JADE3: variants seen among roughly 807,000 people sequenced by gnomAD.
JADE3 encodes jade family PHD finger 3.
JADE3 carries 2 observed loss-of-function variants against 50.1 expected under a neutral mutation model. The ratio of observed to expected loss-of-function variants is 0.04; its 90% CI spans 0.02 to 0.13. The LOEUF is 0.13. Among genes scored for constraint, JADE3 ranks in the 10% least tolerant of loss-of-function variants. The probability of loss-of-function intolerance (pLI) is 1.00; values close to 1 mark genes in which losing one functional copy is unlikely to be tolerated. For synonymous variants in JADE3, 218 were observed against 232.9 expected (o/e 0.94, Z 0.58); for missense variants, 475 against 634.4 (o/e 0.75, Z 2.70).
intron 1 of JADE3, among the ~76,000 whole-genome samples, chrX:46,965,927 C>A (rs1237630164): frequency 3.6e-5 from 4 of 111,942 alleles, no homozygotes; most frequent in Non-Finnish European, 7.5e-5. Context: ...TTAGATAGGT[C>A]TCTGGCAGTT....
intron 1 of JADE3, among the ~76,000 whole-genome samples, chrX:46,950,652 T>A (rs1556344720): frequency 1.8e-5 from 2 of 111,855 alleles, no homozygotes; most frequent in African/African-American, 6.5e-5. Context: ...TGGGTAGAAT[T>A]TTAGGAGTAG....
chrX:46,977,939 A>G (rs1556351955), intron 1 of JADE3, among the ~76,000 whole-genome samples: 1 of 111,954 alleles, frequency 8.9e-6, no homozygotes, highest in Non-Finnish European at 1.9e-5. Context: ...AAATGGGTAC[A>G]GTATGCTAGC....
chrX:47,032,872 T>G (rs996020250), intron 6 of JADE3, among the ~76,000 whole-genome samples: 2 of 111,369 alleles, frequency 1.8e-5, no homozygotes, highest in African/African-American at 6.5e-5. Flanking sequence ...ATTGAATCAG[T>G]TAGTCTCTAA....
chrX:46,915,266 G>T (rs1926056826), intron 1 of JADE3, among the ~76,000 whole-genome samples: 1 of 111,922 alleles, frequency 8.9e-6, no homozygotes, highest in Admixed American at 9.4e-5. Context: ...ATTATCAGGG[G>T]ACATAATGCA....
intron 8 of JADE3, among the ~76,000 whole-genome samples, chrX:47,051,281 C>T (rs1340960639): frequency 8.9e-6 from 1 of 111,974 alleles, no homozygotes; most frequent in African/African-American, 3.2e-5. Context: ...GGAATATGCC[C>T]CTTTAAAACT....
At chrX:46,936,316 C>T (rs782309848) in intron 1 of JADE3, among the ~76,000 whole-genome samples, 2 of 111,866 alleles carry the variant, frequency 1.8e-5, no homozygotes, top group East Asian at 5.6e-4. Flanking sequence ...ACCCAACCTG[C>T]CTTACATTCC....
chrX:47,025,500 C>T (rs1322835647), intron 5 of JADE3, among the ~76,000 whole-genome samples: 1 of 112,086 alleles, frequency 8.9e-6, no homozygotes, highest in African/African-American at 3.2e-5. Context: ...CTAGAGTTGT[C>T]ATACAATATT....
At chrX:47,037,494 G>A (rs1239855741) in intron 7 of JADE3, among the ~76,000 whole-genome samples, 3 of 111,592 alleles carry the variant, frequency 2.7e-5, no homozygotes, top group African/African-American at 9.8e-5. Flanking sequence ...TGTCCATTAC[G>A]GTAACCTTGG....
intron 8 of JADE3, among the ~76,000 whole-genome samples, chrX:47,045,211 G>T (rs782268658): frequency 3.9e-4 from 44 of 111,582 alleles, no homozygotes; most frequent in Non-Finnish European, 2.3e-4. Context: ...ACACATATAG[G>T]CTGAAAATAA....
intron 1 of JADE3, among the ~76,000 whole-genome samples, chrX:46,972,448 G>C (rs781875860): frequency 9.0e-6 from 1 of 111,723 alleles, no homozygotes; most frequent in Non-Finnish European, 1.9e-5. Flanking sequence ...TGTCTGCCTC[G>C]GCCTCCCAAA....
At chrX:46,951,707 T>C (rs1228260460) in intron 1 of JADE3, among the ~76,000 whole-genome samples, 10 of 111,208 alleles carry the variant, frequency 9.0e-5, no homozygotes, top group African/African-American at 3.3e-4. Context: ...TTGTTATTTT[T>C]TTTTTCCAAT....
At chrX:47,051,347 T>C (rs1398979577) in intron 8 of JADE3, among the ~76,000 whole-genome samples, 3 of 112,458 alleles carry the variant, frequency 2.7e-5, no homozygotes, top group Non-Finnish European at 5.6e-5. Context: ...AGATGATCTA[T>C]TGGGCCTTTG....
intron 1 of JADE3, among the ~76,000 whole-genome samples, chrX:46,971,994 T>A (rs1927509021): frequency 9.1e-6 from 1 of 110,406 alleles, no homozygotes. Context: ...TTCAATGTTC[T>A]TTCTTTCAGT....
chrX:46,913,906 C>T (rs1212856217), intron 1 of JADE3, among the ~76,000 whole-genome samples: 1 of 110,275 alleles, frequency 9.1e-6, no homozygotes, highest in Admixed American at 9.7e-5. Context: ...GTGTGTGTGC[C>T]GTGAGGTGCG....
At chrX:47,038,182 T>C (rs1929175537) in intron 7 of JADE3, among the ~76,000 whole-genome samples, 1 of 112,100 alleles carries the variant, frequency 8.9e-6, no homozygotes. Context: ...ACATTTTCTT[T>C]ATCCATTCGT....
rs1246046940 is a variant in JADE3 at position 46,912,461 on chromosome X, C to T, written c.-270C>T. 1 of 111,993 alleles carries T rather than the reference C, an allele frequency of 8.9e-6. No individual in the cohort carries two copies. The highest frequency in any genetic ancestry group is 1.9e-5 in the Non-Finnish European group (1 of 53,133). The allele number at this position is 111,993 out of a possible 1,213,427, so 9.2% of individuals were successfully genotyped here. On this transcript the variant is annotated 5_prime_UTR_variant, in exon 1 of 11. Coordinates refer to ENST00000614628, the MANE Select transcript of JADE3 (RefSeq NM_014735.5). ...CAATAGTGCTCCGCGCCGCCTCAGC[C>T]GCCGCCGCCGCCCAACCGCCTGCCC...
chrX:46,915,071 A>G (rs1162847757), intron 1 of JADE3, among the ~76,000 whole-genome samples: 1 of 111,704 alleles, frequency 9.0e-6, no homozygotes, highest in Non-Finnish European at 1.9e-5. Context: ...TTTTTCCCCT[A>G]ACCTACACAA....
chrX:47,039,818 G>A (rs185959039), intron 8 of JADE3, among the ~76,000 whole-genome samples: 1 of 111,834 alleles, frequency 8.9e-6, no homozygotes, highest in Admixed American at 9.5e-5. Context: ...TGGGTAAATT[G>A]TGTGTTGCAG....
intron 4 of JADE3, among the ~76,000 whole-genome samples, chrX:47,020,451 T>C (rs950720499): frequency 1.8e-5 from 2 of 112,209 alleles, no homozygotes; most frequent in Admixed American, 9.4e-5. Flanking sequence ...CTCGAAGATA[T>C]TGAAGCTGCA....
Sources: allele counts gnomAD v4.1 joint callset (sites outside exome capture counted in the v4.1 genomes callset), GRCh38; gene constraint gnomAD v4.1.1; transcripts MANE v1.5; gene names NCBI Gene and HGNC (gene_info 2026-07-23, HGNC 2026-07-21).